Variants in PTPRF observed in about 807,000 individuals in gnomAD.
The protein encoded by PTPRF is protein tyrosine phosphatase receptor type F, also known as receptor-type tyrosine-protein phosphatase F.
A neutral mutation model predicts 201.8 loss-of-function variants in PTPRF; 59 were observed. The ratio of observed to expected loss-of-function variants is 0.29; its 90% CI spans 0.24 to 0.36. PTPRF has a LOEUF of 0.36. Ranked by LOEUF, PTPRF falls within the 10% of genes least tolerant of loss-of-function variation. The pLI is 1.00. For synonymous variants in PTPRF, 1,088 were observed against 1,089.7 expected (o/e 1.00, Z 0.03); for missense variants, 2,132 against 2,690.5 (o/e 0.79, Z 4.59).
At chr1:43,585,090 G>T (rs1053570228) in intron 7 of PTPRF, among the ~76,000 whole-genome samples, 19 of 152,190 alleles carry the variant, frequency 1.2e-4, no homozygotes, top group Admixed American at 1.1e-3. Context: ...GGCATTGTTG[G>T]AGCCTAAGAT....
intron 31 of PTPRF, 56 bp from the exon 32 acceptor site, chr1:43,620,782 A>G: frequency 6.3e-7 from 1 of 1,577,708 alleles, no homozygotes; most frequent in South Asian, 1.2e-5. Flanking sequence ...TCTAGTCCAG[A>G]GGGGTGGCTG....
At chr1:43,617,329 G>A in intron 23 of PTPRF, 116 bp from the exon 24 acceptor site, 2 of 1,442,042 alleles carry the variant, frequency 1.4e-6, no homozygotes, top group Non-Finnish European at 1.9e-6. Flanking sequence ...GCCTGGCTGT[G>A]GCCTGTGGAG....
chr1:43,605,020 A>G lies in PTPRF; in HGVS notation c.3135+20A>G, dbSNP rs17371903. 0.34 allele frequency: 553,591 copies of G among 1,610,182 alleles called. 100,706 individuals carry two copies. Among genetic ancestry groups the G allele is most frequent in the Non-Finnish European group, 0.38 (446,002 of 1,177,174 alleles). On this transcript the variant is annotated intron_variant, in intron 17 of 33. Transcript: ENST00000359947. Reference sequence around the variant, plus strand: ...TTTAAGGTGAGTAAGGGCCACGGCCAGCTGAGCCTGGCACACACACAGGCC... The same window carrying G: ...TTTAAGGTGAGTAAGGGCCACGGCCGGCTGAGCCTGGCACACACACAGGCC...
At chr1:43,526,574 A>G (rs77050476), upstream of PTPRF, among the ~76,000 whole-genome samples, 1,250 of 152,236 alleles carry the variant, frequency 8.2e-3, 15 homozygotes, top group African/African-American at 0.028. Flanking sequence ...GAGGGAGAAT[A>G]CCACTGTGTC....
intron 6 of PTPRF, among the ~76,000 whole-genome samples, chr1:43,578,520 C>T (rs573306043): frequency 6.6e-6 from 1 of 152,244 alleles, no homozygotes; most frequent in Non-Finnish European, 1.5e-5. Context: ...GTGGCAGAAA[C>T]TGAATGGAGC....
At chr1:43,582,508 C>T (rs1460099138) in intron 7 of PTPRF, 1 of 152,388 alleles carries the variant, frequency 6.6e-6, no homozygotes, top group East Asian at 1.9e-4. Flanking sequence ...GGAGCCCTGC[C>T]CTCCTCAGAG....
intron 3 of PTPRF, among the ~76,000 whole-genome samples, chr1:43,550,646 TAATC>T (rs1644971930): frequency 6.6e-6 from 1 of 152,194 alleles, no homozygotes; most frequent in South Asian, 2.1e-4. Flanking sequence ...AAGCAGCCAT[TAATC>T]AAACACCAAA....
At chr1:43,615,551 C>CTTTTTTTTTTTT (rs68193223) in intron 23 of PTPRF, among the ~76,000 whole-genome samples, 20 of 84,154 alleles carry the variant, frequency 2.4e-4, no homozygotes, top group South Asian at 5.9e-4. Context: ...GCTCTGTTGT[C>CTTTTTTTTTTTT]TTTTTTTTTT....
chr1:43,557,847 G>A (rs1237990985), intron 5 of PTPRF, among the ~76,000 whole-genome samples: 3 of 152,122 alleles, frequency 2.0e-5, no homozygotes, highest in Non-Finnish European at 4.4e-5. Flanking sequence ...CATAGCACCA[G>A]GAAGACAAAA....
In PTPRF at chr1:43,578,925, G is replaced by C; in HGVS notation, c.679+5G>C. On this transcript the variant is annotated splice_donor_5th_base_variant and intron_variant, in intron 7 of 33. Coordinates refer to ENST00000359947, the MANE Select transcript of PTPRF (RefSeq NM_002840.5). Reference sequence around the variant, plus strand: ...CTGCGAACCTGTATGTGCGAGGTAAGGACTCAGGCAGTGCCTGGCCCCTGT... The same window carrying C: ...CTGCGAACCTGTATGTGCGAGGTAACGACTCAGGCAGTGCCTGGCCCCTGT... 6.2e-7 allele frequency: 1 copy of C among 1,613,918 alleles called. No homozygotes were observed. The highest frequency in any genetic ancestry group is 8.5e-7 in the Non-Finnish European group (1 of 1,179,814).
intron 7 of PTPRF, among the ~76,000 whole-genome samples, chr1:43,580,888 G>A (rs375605520): frequency 4.6e-5 from 7 of 152,366 alleles, no homozygotes; most frequent in East Asian, 1.9e-4. Flanking sequence ...CTGCAAGGGC[G>A]TGGCCTATGG....
chr1:43,538,059 G>A (rs1644133501), intron 1 of PTPRF, 139 bp from the exon 2 acceptor site: 1 of 393,876 alleles, frequency 2.5e-6, no homozygotes, highest in Non-Finnish European at 4.5e-6. Context: ...TTACCAGATG[G>A]GGATGGTTCT....
intron 20 of PTPRF, 32 bp from the exon 21 acceptor site, chr1:43,606,782 C>T (rs1286577688): frequency 1.9e-6 from 3 of 1,606,472 alleles, no homozygotes; most frequent in Middle Eastern, 1.6e-4. Flanking sequence ...TCACGCTGAG[C>T]TCACAGCCTG....
At chr1:43,552,069 A>G (rs930748109) in intron 3 of PTPRF, among the ~76,000 whole-genome samples, 1 of 151,936 alleles carries the variant, frequency 6.6e-6, no homozygotes, top group South Asian at 2.1e-4. Context: ...GCTGGCTCCC[A>G]TCAGTATTTA....
chr1:43,617,008 G>A (rs1658024406), intron 23 of PTPRF, among the ~76,000 whole-genome samples: 1 of 152,118 alleles, frequency 6.6e-6, no homozygotes, highest in Non-Finnish European at 1.5e-5. Flanking sequence ...CTACCTGAGA[G>A]GGGCCACCAT....
intron 23 of PTPRF, among the ~76,000 whole-genome samples, chr1:43,614,061 G>A (rs1461254967): frequency 1.3e-5 from 2 of 152,256 alleles, no homozygotes; most frequent in Non-Finnish European, 2.9e-5. Flanking sequence ...AACAGCCACA[G>A]TAGCTGGCAT....
chr1:43,621,164 G>T lies in PTPRF; in HGVS notation c.5587G>T (p.Gly1863Cys). Residue 1863 changes from glycine to cysteine, a missense_variant, in exon 33 of 34, where the codon GGC (glycine) becomes TGC (cysteine). By Grantham distance (159) the Gly-to-Cys change is radical. Around this residue, in one of 6 missense-constraint regions of PTPRF, gnomAD observed 519 missense variants for 659.5 expected, o/e 0.79. Coordinates refer to ENST00000359947, the MANE Select transcript of PTPRF (RefSeq NM_002840.5). ...CGTCCTGGAGCGCATGCGCTACGAG[G>T]GCGTGGTCGACATGTTTCAGACCGT... is the stretch of plus-strand genomic sequence containing the variant. The part of the protein sequence containing the change: ...SIVLERMRYE[G>C]VVDMFQTVKT... 1 of 1,614,162 alleles carries T rather than the reference G, an allele frequency of 6.2e-7. No homozygotes were observed. The highest frequency in any genetic ancestry group is 8.5e-7 in the Non-Finnish European group (1 of 1,179,984).
At chr1:43,598,616 C>G (rs1322984589) in intron 12 of PTPRF, 104 bp from the exon 13 acceptor site, 2 of 1,095,444 alleles carry the variant, frequency 1.8e-6, no homozygotes, top group Non-Finnish European at 2.7e-6. Context: ...AGGGCCTTTC[C>G]TGGGGGAGTG....
At chr1:43,615,760 G>T (rs1485012969) in intron 23 of PTPRF, among the ~76,000 whole-genome samples, 1 of 151,728 alleles carries the variant, frequency 6.6e-6, no homozygotes, top group Admixed American at 6.6e-5. Flanking sequence ...TAGAGATGGG[G>T]TTTCACCGTG....
Sources: gnomAD v4.1 joint callset for allele counts (sites outside exome capture counted in the v4.1 genomes callset) on GRCh38, gnomAD v4.1.1 for gene constraint, gnomAD v4.1.1 regional missense constraint, MANE v1.5 for transcripts, NCBI Gene and HGNC (gene_info 2026-07-23, HGNC 2026-07-21) for gene names.